MCTP2: variants seen among roughly 807,000 people sequenced by gnomAD.
The protein encoded by MCTP2 is multiple C2 and transmembrane domain-containing protein 2.
Under a neutral mutation model 111.6 loss-of-function variants are expected in MCTP2, and 132 were observed. The ratio of observed to expected loss-of-function variants is 1.18; its 90% CI spans 1.03 to 1.37. The LOEUF is 1.37. Among genes scored for constraint, MCTP2 ranks in the 40% most tolerant of loss-of-function variants. The pLI is 0.00. For missense variants in MCTP2, 1,183 were observed against 1,067.9 expected (o/e 1.11, Z -1.50); for synonymous variants, 395 against 387.7 (o/e 1.02, Z -0.22).
chr15:94,245,307 TATATG>T (rs2071783164), intron 1 of MCTP2, among the ~76,000 whole-genome samples: 1 of 142,346 alleles, frequency 7.0e-6, no homozygotes, highest in Non-Finnish European at 1.5e-5. Flanking sequence ...TTTATATACA[TATATG>T]TACATATATT....
chr15:94,401,827 C>G (rs1456997412), intron 16 of MCTP2, 73 bp from the exon 17 acceptor site: 6 of 1,177,204 alleles, frequency 5.1e-6, no homozygotes, highest in African/African-American at 3.1e-5. Context: ...TTTAAATGAT[C>G]AGGGTACCTG....
chr15:94,323,861 T>C (rs753270400), intron 4 of MCTP2, among the ~76,000 whole-genome samples: 2 of 152,216 alleles, frequency 1.3e-5, no homozygotes, highest in Non-Finnish European at 2.9e-5. Flanking sequence ...TCATCTTTCT[T>C]TGCTCTTTCT....
At chr15:94,347,982 CTATT>C (rs975438144) in intron 8 of MCTP2, among the ~76,000 whole-genome samples, 1 of 152,044 alleles carries the variant, frequency 6.6e-6, no homozygotes. Context: ...ACTACAATGG[CTATT>C]TAGTTATGGA....
intron 17 of MCTP2, among the ~76,000 whole-genome samples, chr15:94,437,422 A>G (rs567319472): frequency 6.6e-6 from 1 of 152,138 alleles, no homozygotes; most frequent in South Asian, 2.1e-4. Flanking sequence ...TTCCGTTGCT[A>G]TTTATAATAG....
In MCTP2 at chr15:94,380,777, A is replaced by G. The variant is rs2080091894; in HGVS notation, c.1583-3245A>G. 1.3e-5 allele frequency among the ~76,000 whole-genome samples: 2 copies of G among 151,792 alleles called. 1 individual carries two copies. Among genetic ancestry groups the G allele is most frequent in the South Asian group, 4.1e-4 (2 of 4,820 alleles). On this transcript the variant is annotated intron_variant, in intron 12 of 22. Transcript: ENST00000357742. ...AGTGAGACTCCGTCTCAAAAAAAAA[A>G]AAGGGGGGGTTATCAAATGAATGAT...
intron 17 of MCTP2, among the ~76,000 whole-genome samples, chr15:94,438,787 T>C (rs1166526947): frequency 6.6e-6 from 1 of 152,202 alleles, no homozygotes; most frequent in East Asian, 1.9e-4. Context: ...CACCTATATG[T>C]AAATTTTCTG....
At chr15:94,316,351 T>C (rs1179876393) in intron 4 of MCTP2, among the ~76,000 whole-genome samples, 1 of 152,210 alleles carries the variant, frequency 6.6e-6, no homozygotes, top group Non-Finnish European at 1.5e-5. Flanking sequence ...AATGAACATA[T>C]TGTATATGCT....
intron 14 of MCTP2, among the ~76,000 whole-genome samples, chr15:94,390,078 A>AG (rs1451561867): frequency 4.2e-5 from 2 of 47,294 alleles, no homozygotes; most frequent in East Asian, 3.8e-4. Flanking sequence ...ATATATATAT[A>AG]TATATATATA....
chr15:94,411,392 C>T (rs997277601), intron 17 of MCTP2, among the ~76,000 whole-genome samples: 1 of 151,524 alleles, frequency 6.6e-6, no homozygotes, highest in Admixed American at 6.6e-5. Flanking sequence ...CATCAGGTGG[C>T]ATGTGCTCGC....
chr15:94,255,933 A>G (rs1236136505), intron 1 of MCTP2, among the ~76,000 whole-genome samples: 2 of 152,170 alleles, frequency 1.3e-5, no homozygotes, highest in South Asian at 2.1e-4. Flanking sequence ...AATGAAGCAC[A>G]ATCTGATTTT....
intron 20 of MCTP2, among the ~76,000 whole-genome samples, chr15:94,463,169 G>A (rs1596808729): frequency 6.6e-6 from 1 of 152,116 alleles, no homozygotes; most frequent in East Asian, 1.9e-4. Flanking sequence ...TCTTTATTAG[G>A]ACTGCATTAA....
At chr15:94,240,492 A>G (rs1396853279) in intron 1 of MCTP2, among the ~76,000 whole-genome samples, 3 of 152,164 alleles carry the variant, frequency 2.0e-5, no homozygotes, top group Non-Finnish European at 2.9e-5. Context: ...GATTTCAGAA[A>G]TTCCTCTACC....
At chr15:94,292,273 A>G (rs769115729) in intron 1 of MCTP2, among the ~76,000 whole-genome samples, 3 of 152,318 alleles carry the variant, frequency 2.0e-5, no homozygotes, top group South Asian at 2.1e-4. Flanking sequence ...TCTCACTAAT[A>G]CTATTCACTA....
intron 8 of MCTP2, among the ~76,000 whole-genome samples, chr15:94,346,369 T>G (rs990140004): frequency 6.6e-6 from 1 of 152,180 alleles, no homozygotes. Context: ...GTAATAAAAT[T>G]AATATTCAAG....
chr15:94,271,165 A>G (rs2073888000), intron 1 of MCTP2, among the ~76,000 whole-genome samples: 1 of 152,130 alleles, frequency 6.6e-6, no homozygotes, highest in South Asian at 2.1e-4. Flanking sequence ...TATCCTTTCT[A>G]CTAGTTACAT....
chr15:94,246,327 CT>C (rs1318865781), intron 1 of MCTP2, among the ~76,000 whole-genome samples: 1 of 152,136 alleles, frequency 6.6e-6, no homozygotes, highest in Non-Finnish European at 1.5e-5. Context: ...GTTACTTAAG[CT>C]TTCTGTGCCT....
intron 10 of MCTP2, 35 bp downstream of exon 10, chr15:94,358,647 G>A (rs375954240): frequency 4.3e-6 from 7 of 1,609,804 alleles, no homozygotes; most frequent in Non-Finnish European, 5.9e-6. Context: ...GCGGGAGCAT[G>A]TTTCTGCATG....
chr15:94,267,888 C>T (rs2073650433), intron 1 of MCTP2, among the ~76,000 whole-genome samples: 1 of 1,598 alleles, frequency 6.3e-4, no homozygotes. Context: ...TTTTTTGAGA[C>T]AGAGTCTTGC....
At chr15:94,373,844 G>A (rs1481009334) in intron 12 of MCTP2, among the ~76,000 whole-genome samples, 1 of 152,200 alleles carries the variant, frequency 6.6e-6, no homozygotes, top group Non-Finnish European at 1.5e-5. Context: ...AGTAATAGGT[G>A]ATGCAGCCTG....
Sources: allele counts gnomAD v4.1 joint callset (sites outside exome capture counted in the v4.1 genomes callset), GRCh38; gene constraint gnomAD v4.1.1; transcripts MANE v1.5; gene names NCBI Gene and HGNC (gene_info 2026-07-23, HGNC 2026-07-21).